The following GRM5 variants were observed in gnomAD, a reference collection of about 807,000 sequenced individuals.
GRM5 encodes the protein glutamate metabotropic receptor 5.
A neutral mutation model predicts 83.1 loss-of-function variants in GRM5; 19 were observed. The ratio of observed to expected loss-of-function variants is 0.23; its 90% confidence interval spans 0.16 to 0.34. The LOEUF is 0.34. GRM5 is among the 10% of genes least tolerant of loss of function. The pLI is 1.00. For synonymous variants in GRM5, 675 were observed against 633.6 expected, an observed-to-expected ratio of 1.07 and a Z score of -0.98; for missense variants, 1,160 against 1,588.3, an observed-to-expected ratio of 0.73 and a Z score of 4.58.
chr11:88,768,047 A>T (rs1045468185), intron 3 of GRM5, among the ~76,000 whole-genome samples: 1 of 151,986 alleles, frequency 6.6e-6, no homozygotes, highest in Non-Finnish European at 1.5e-5. Flanking sequence ...TCCTTAAAAA[A>T]TTAGAAATAT....
At chr11:88,670,422 G>A (rs879814536) in intron 3 of GRM5, among the ~76,000 whole-genome samples, 1 of 151,684 alleles carries the variant, frequency 6.6e-6, no homozygotes, top group South Asian at 2.1e-4. Context: ...TATTTTCATC[G>A]AAAGACACCA....
chr11:88,665,660 C>G (rs762631617), intron 3 of GRM5, among the ~76,000 whole-genome samples: 1 of 152,114 alleles, frequency 6.6e-6, no homozygotes, highest in Non-Finnish European at 1.5e-5. Flanking sequence ...ATCATATGCT[C>G]AATAACTAAT....
intron 6 of GRM5, among the ~76,000 whole-genome samples, chr11:88,596,214 G>A (rs1937801135): frequency 6.6e-6 from 1 of 152,114 alleles, no homozygotes; most frequent in Admixed American, 6.5e-5. Flanking sequence ...CAGCCTGATT[G>A]AATCTACAAA....
intron 8 of GRM5, among the ~76,000 whole-genome samples, chr11:88,526,902 C>T (rs572425449): frequency 3.9e-5 from 6 of 151,972 alleles, no homozygotes; most frequent in Admixed American, 2.0e-4. Flanking sequence ...AATCTGCAGG[C>T]CCCACCTGTT....
Position 88,738,158 on chromosome 11 carries a change from T to C in GRM5, c.912-84755A>G, listed in dbSNP as rs142062241. On this transcript the variant is annotated intron_variant, in intron 3 of 9. Coordinates refer to ENST00000305447, the MANE Select transcript of GRM5 (RefSeq NM_001143831.3). ...GTATTTTATGTTATTTTATTATTTG[T>C]ACTTTAGCACAATTATAAAATCTAT... Among the ~76,000 whole-genome samples the C allele has an allele frequency of 8.1e-3, 1,226 of 152,210 alleles. 8 individuals are homozygous for C. Among genetic ancestry groups the C allele is most frequent in the Non-Finnish European group, 9.5e-3 (645 of 67,990 alleles).
At chr11:88,922,038 A>G (rs1269837405) in intron 2 of GRM5, among the ~76,000 whole-genome samples, 3 of 152,150 alleles carry the variant, frequency 2.0e-5, no homozygotes, top group Non-Finnish European at 4.4e-5. Context: ...CAAAAAAGTG[A>G]AAGATCTCTA....
chr11:88,615,107 A>G (rs777269393), intron 4 of GRM5, among the ~76,000 whole-genome samples: 2 of 152,114 alleles, frequency 1.3e-5, no homozygotes, highest in African/African-American at 2.4e-5. Context: ...ACGGATGTAC[A>G]TGTTTGTTCA....
rs1937861338 is a variant in GRM5 at position 88,597,899 on chromosome 11, A to G, written c.1395-547T>C. On this transcript the variant is annotated intron_variant, in intron 5 of 9. Transcript: ENST00000305447. The stretch of plus-strand genomic sequence containing the variant: ...AAAAAAGTTTGAAAATAGCTTCTAA[A>G]GCACCTCATGCAATGTAAACATCCT... 1.3e-5 allele frequency among the ~76,000 whole-genome samples: 2 copies of G among 152,132 alleles called. 1 individual carries two copies. Among genetic ancestry groups the G allele is most frequent in the South Asian group, 4.1e-4 (2 of 4,836 alleles).
chr11:89,051,241 G>A (rs1342157583), intron 1 of GRM5, among the ~76,000 whole-genome samples: 22 of 151,814 alleles, frequency 1.4e-4, no homozygotes, highest in Middle Eastern at 3.4e-3. Context: ...GGGCGGCAGA[G>A]AGACTCCGTC....
chr11:88,617,607 C>A (rs978738972), intron 4 of GRM5, among the ~76,000 whole-genome samples: 6 of 152,138 alleles, frequency 3.9e-5, no homozygotes, highest in Admixed American at 3.9e-4. Flanking sequence ...CCCCAGGTAA[C>A]CCTGGCAAGG....
At chr11:88,629,526 C>T (rs889860296) in intron 4 of GRM5, among the ~76,000 whole-genome samples, 1 of 152,092 alleles carries the variant, frequency 6.6e-6, no homozygotes, top group African/African-American at 2.4e-5. Flanking sequence ...CTTTATTGAT[C>T]ACGGACAAAT....
At chr11:88,839,310 T>G (rs1944152073) in intron 3 of GRM5, among the ~76,000 whole-genome samples, 1 of 152,192 alleles carries the variant, frequency 6.6e-6, no homozygotes. Context: ...TAAAAATATT[T>G]TCAACATATT....
intron 3 of GRM5, among the ~76,000 whole-genome samples, chr11:88,755,033 T>C (rs1591491000): frequency 6.6e-6 from 1 of 152,208 alleles, no homozygotes; most frequent in East Asian, 1.9e-4. Flanking sequence ...TCTACAGAAT[T>C]ACTGAGATTC....
At chr11:88,859,343 T>A (rs1944525425) in intron 2 of GRM5, among the ~76,000 whole-genome samples, 1 of 152,048 alleles carries the variant, frequency 6.6e-6, no homozygotes, top group Non-Finnish European at 1.5e-5. Context: ...GGTAAAGTAC[T>A]TAGCCCAGAG....
chr11:88,595,918 T>C (rs1300824230), intron 6 of GRM5, among the ~76,000 whole-genome samples: 1 of 152,220 alleles, frequency 6.6e-6, no homozygotes, highest in African/African-American at 2.4e-5. Context: ...TTTACACTTT[T>C]AGGTTCTGCA....
At chr11:88,914,779 T>C (rs1453747661) in intron 2 of GRM5, among the ~76,000 whole-genome samples, 1 of 152,232 alleles carries the variant, frequency 6.6e-6, no homozygotes, top group Admixed American at 6.5e-5. Context: ...ATTTTCCTTT[T>C]TCTTAGCAAT....
chr11:89,039,996 G>A (rs1941491237), intron 2 of GRM5, among the ~76,000 whole-genome samples: 1 of 152,032 alleles, frequency 6.6e-6, no homozygotes, highest in Non-Finnish European at 1.5e-5. Flanking sequence ...TTTTTGTAGA[G>A]ATAGAGCCTT....
intron 2 of GRM5, among the ~76,000 whole-genome samples, chr11:88,964,246 C>G (rs988799036): frequency 2.0e-5 from 3 of 151,946 alleles, no homozygotes; most frequent in African/African-American, 7.2e-5. Flanking sequence ...TTGGAGCCAC[C>G]ACAATAGCAA....
chr11:88,716,993 G>C (rs1303906040), intron 3 of GRM5, among the ~76,000 whole-genome samples: 1 of 151,926 alleles, frequency 6.6e-6, no homozygotes, highest in Non-Finnish European at 1.5e-5. Flanking sequence ...TAATTATGAA[G>C]AATAAGCCAG....
Sources: allele counts gnomAD v4.1 joint callset (sites outside exome capture counted in the v4.1 genomes callset), GRCh38; gene constraint gnomAD v4.1.1; transcripts MANE v1.5; gene names NCBI Gene and HGNC (gene_info 2026-07-23, HGNC 2026-07-21).